The following EFCAB6 variants were observed in gnomAD, a reference collection of about 807,000 sequenced individuals.
The protein encoded by EFCAB6 is EF-hand calcium-binding domain-containing protein 6.
In EFCAB6, 156 loss-of-function variants were observed where a neutral mutation model predicts 169.8. The observed-to-expected ratio is 0.92, with a 90% confidence interval of 0.81 to 1.05. The LOEUF (loss-of-function observed/expected upper bound fraction) is 1.05, where lower values mean the gene tolerates loss of function less well. Among genes scored for constraint, EFCAB6 ranks in the 50% least tolerant of loss-of-function variants. The pLI is 0.00. For missense variants in EFCAB6, 1,800 were observed against 1,829.1 expected, an observed-to-expected ratio of 0.98 and a Z score of 0.29; for synonymous variants, 698 against 676.4, an observed-to-expected ratio of 1.03 and a Z score of -0.50.
chr22:43,566,697 T>A (rs765183905), intron 26 of EFCAB6, among the ~76,000 whole-genome samples: 2 of 152,168 alleles, frequency 1.3e-5, no homozygotes, highest in Non-Finnish European at 2.9e-5. Context: ...AGAAGCCTCC[T>A]GAAAATCCCA....
At chr22:43,627,901 A>G (rs1239626732) in intron 19 of EFCAB6, among the ~76,000 whole-genome samples, 2 of 152,162 alleles carry the variant, frequency 1.3e-5, no homozygotes, top group African/African-American at 4.8e-5. Context: ...TCAGTACCTA[A>G]TATGTGCAAT....
intron 2 of EFCAB6, among the ~76,000 whole-genome samples, chr22:43,791,692 T>C (rs560641498): frequency 2.0e-5 from 3 of 151,618 alleles, no homozygotes; most frequent in Admixed American, 2.0e-4. Flanking sequence ...ATAGTAACAA[T>C]GTTGGGGGAA....
chr22:43,530,972 C>A lies in EFCAB6; in HGVS notation c.4234-8G>T. The A allele has an allele frequency of 6.2e-7, 1 of 1,613,314 alleles. No individual in the cohort carries two copies. The highest frequency in any genetic ancestry group is 8.5e-7 in the Non-Finnish European group (1 of 1,179,760). ...CTCCGCGCCGGCTTCTTTCTAGACA[C>A]AAGACAAGAAGGGGTGAGGAGGGAG... On this transcript the variant is annotated splice_region_variant and splice_polypyrimidine_tract_variant and intron_variant, in intron 30 of 31. Transcript: ENST00000262726.
chr22:43,719,772 T>G (rs986189073), intron 8 of EFCAB6, among the ~76,000 whole-genome samples: 1 of 152,208 alleles, frequency 6.6e-6, no homozygotes, highest in Non-Finnish European at 1.5e-5. Context: ...GATGAGCTGA[T>G]AGAGGTACTT....
intron 30 of EFCAB6, chr22:43,532,025 G>C (rs2047099227): frequency 6.6e-6 from 1 of 152,304 alleles, no homozygotes. Flanking sequence ...CATGGTGGTG[G>C]CCTTGGCAGC....
chr22:43,615,742 G>T (rs1346214332), intron 21 of EFCAB6, 84 bp downstream of exon 21: 2 of 1,221,878 alleles, frequency 1.6e-6, no homozygotes, highest in Non-Finnish European at 2.3e-6. Context: ...TTAGCGTCTG[G>T]ATCTGAACAG....
At chr22:43,711,973 T>C (rs2059178068) in intron 9 of EFCAB6, among the ~76,000 whole-genome samples, 1 of 152,230 alleles carries the variant, frequency 6.6e-6, no homozygotes, top group Non-Finnish European at 1.5e-5. Context: ...GAGCCCACGC[T>C]ACGCTTCTCC....
At chr22:43,718,635 G>A (rs1197373835) in intron 8 of EFCAB6, among the ~76,000 whole-genome samples, 2 of 152,092 alleles carry the variant, frequency 1.3e-5, no homozygotes, top group Admixed American at 1.3e-4. Context: ...ATACAAAAAT[G>A]AGCCGGTCAT....
intron 25 of EFCAB6, among the ~76,000 whole-genome samples, chr22:43,577,012 C>T (rs1490813692): frequency 6.6e-6 from 1 of 152,128 alleles, no homozygotes; most frequent in East Asian, 1.9e-4. Flanking sequence ...CACCCTGACC[C>T]CACCCCTGTC....
In EFCAB6 at chr22:43,711,609, A is replaced by G. The variant is rs776223831; in HGVS notation, c.897T>C (p.Tyr299=). ...CACTGAGGGCCTTTTCAACCTTTTC[A>G]TAAGACTTCGAAAGCTGCAATAAAT... ...RNFCLQLSKS[Y]EKVEKALSAG... The change falls in exon 10 of 32, where the codon TAT becomes TAC. Residue 299 remains tyrosine, a synonymous_variant. Coordinates refer to ENST00000262726, the MANE Select transcript of EFCAB6 (RefSeq NM_022785.4). The G allele has an allele frequency of 1.1e-5, 18 of 1,581,100 alleles. No homozygotes were observed. The South Asian group carries it at 1.3e-4, about 12-fold the overall frequency.
At chr22:43,548,745 C>A (rs912595423) in intron 27 of EFCAB6, among the ~76,000 whole-genome samples, 10 of 151,706 alleles carry the variant, frequency 6.6e-5, no homozygotes, top group African/African-American at 2.4e-4. Context: ...GATGGATGGG[C>A]CAAAGAGACA....
At chr22:43,806,454 C>G (rs1603394925) in intron 2 of EFCAB6, among the ~76,000 whole-genome samples, 1 of 152,148 alleles carries the variant, frequency 6.6e-6, no homozygotes, top group East Asian at 1.9e-4. Context: ...CCATGTTACC[C>G]AGGCTGGTCT....
Position 43,755,746 on chromosome 22 carries a change from T to A in EFCAB6, c.507+20A>T. ...AATGGGTGGGGTGGGGGGAAATCAT[T>A]TCTTTAAAATCTCTATTACCTTTTC... On this transcript the variant is annotated intron_variant, in intron 6 of 31. Coordinates refer to ENST00000262726, the MANE Select transcript of EFCAB6 (RefSeq NM_022785.4). 6.3e-7 allele frequency: 1 copy of A among 1,582,114 alleles called. No homozygotes were observed.
chr22:43,622,764 T>C (rs1015757142), intron 20 of EFCAB6, among the ~76,000 whole-genome samples: 2 of 152,088 alleles, frequency 1.3e-5, no homozygotes, highest in Non-Finnish European at 2.9e-5. Flanking sequence ...GAGAGAGAGA[T>C]AACAACAAGA....
intron 16 of EFCAB6, among the ~76,000 whole-genome samples, chr22:43,667,950 C>A (rs2057335574): frequency 6.6e-6 from 1 of 152,170 alleles, no homozygotes; most frequent in Non-Finnish European, 1.5e-5. Flanking sequence ...GAATGGACTT[C>A]TATTCCTTCC....
At chr22:43,568,102 C>A (rs1052494348) in intron 26 of EFCAB6, among the ~76,000 whole-genome samples, 11 of 152,314 alleles carry the variant, frequency 7.2e-5, no homozygotes, top group Non-Finnish European at 8.8e-5. Context: ...GACGCCCACC[C>A]AGTTTCCTCC....
chr22:43,672,091 C>T lies in EFCAB6; in HGVS notation c.1522G>A (p.Ala508Thr), dbSNP rs145170325. 3 of 1,613,742 alleles carry T rather than the reference C, an allele frequency of 1.9e-6. No homozygotes were observed. Among genetic ancestry groups the T allele is most frequent in the Middle Eastern group, 1.6e-4 (1 of 6,084 alleles). Residue 508 changes from alanine to threonine, a missense_variant, in exon 15 of 32, where the codon GCT becomes ACT. Transcript: ENST00000262726. ...VHDTITRNLQ[A>T]FYNMLRSYDL... Reference sequence around the variant, plus strand: ...TATGAGCGTAGCATGTTATAAAAAGCTTGTAGGTTCCTAGTAATTGTATCA... The same window carrying T: ...TATGAGCGTAGCATGTTATAAAAAGTTTGTAGGTTCCTAGTAATTGTATCA...
intron 19 of EFCAB6, among the ~76,000 whole-genome samples, chr22:43,630,124 C>T (rs775591721): frequency 9.2e-5 from 14 of 152,178 alleles, no homozygotes; most frequent in Non-Finnish European, 1.6e-4. Context: ...CGTAGCAAGA[C>T]TTCGTCTCTA....
At chr22:43,590,901 T>C (rs73172051) in intron 23 of EFCAB6, among the ~76,000 whole-genome samples, 16,653 of 152,078 alleles carry the variant, frequency 0.11, 1,222 homozygotes, top group South Asian at 0.22. Context: ...AGAAGGGCAG[T>C]GAGCGAAGAG....
Sources: allele counts gnomAD v4.1 joint callset (sites outside exome capture counted in the v4.1 genomes callset), GRCh38; gene constraint gnomAD v4.1.1; transcripts MANE v1.5; gene names NCBI Gene and HGNC (gene_info 2026-07-23, HGNC 2026-07-21).